MICU1: variants seen among roughly 807,000 people sequenced by gnomAD.
MICU1 encodes mitochondrial calcium uptake 1.
In MICU1, 45 loss-of-function variants were observed where a neutral mutation model predicts 56.8. That is an observed-to-expected ratio of 0.79 (90% confidence interval 0.62 to 1.02). The LOEUF is 1.02. Ranked by LOEUF, MICU1 falls within the 50% of genes least tolerant of loss-of-function variation. The pLI is 0.00. For synonymous variants in MICU1, 186 were observed against 195.1 expected (o/e 0.95, Z 0.39); for missense variants, 504 against 587.1 (o/e 0.86, Z 1.46).
chr10:72,391,328 A>G (rs1160736060), intron 10 of MICU1, among the ~76,000 whole-genome samples: 2 of 152,160 alleles, frequency 1.3e-5, no homozygotes, highest in African/African-American at 2.4e-5. Context: ...GCTACTTGGG[A>G]GGCTGAGGCA....
chr10:72,486,222 A>T (rs1390920851), intron 6 of MICU1, among the ~76,000 whole-genome samples: 1 of 152,214 alleles, frequency 6.6e-6, no homozygotes, highest in Non-Finnish European at 1.5e-5. Context: ...AGTGGAAAGG[A>T]ACTAAAGGCA....
At chr10:72,489,675 T>C (rs968733923) in intron 6 of MICU1, among the ~76,000 whole-genome samples, 1 of 152,244 alleles carries the variant, frequency 6.6e-6, no homozygotes. Flanking sequence ...CCCTCATTTC[T>C]AGTTCTGCTT....
intron 4 of MICU1, among the ~76,000 whole-genome samples, chr10:72,537,114 T>C (rs1051115182): frequency 1.3e-5 from 2 of 152,204 alleles, no homozygotes; most frequent in East Asian, 3.8e-4. Context: ...CTGAGAATTA[T>C]TGTCATTTTA....
chr10:72,523,373 G>A (rs1867879370), intron 5 of MICU1, among the ~76,000 whole-genome samples: 1 of 152,148 alleles, frequency 6.6e-6, no homozygotes, highest in African/African-American at 2.4e-5. Flanking sequence ...ATTGATAATG[G>A]AATCGTCTAT....
At position 72,563,014 on chromosome 10, in the gene MICU1, C is replaced by G. The variant is rs376308710; in HGVS notation, c.211G>C (p.Gly71Arg). Residue 71 changes from glycine (G) to arginine (R), a missense_variant, in exon 3 of 12, where the codon GGT (glycine) becomes CGT (arginine). Physicochemically the swap from Gly to Arg is moderately radical, Grantham distance 125. Coordinates refer to ENST00000361114, the MANE Select transcript of MICU1 (RefSeq NM_001195518.2). ...TCATCTTTATTCTTCCCTTTATCAC[C>G]GATGTCACTTTTTAGGTTGTCTACA... is the stretch of plus-strand genomic sequence containing the variant. ...PCVDNLKSDIGDKGKNKDEGD... is the reference protein window; with the variant it reads ...PCVDNLKSDIRDKGKNKDEGD... 56 of 1,604,014 alleles carry G rather than the reference C, an allele frequency of 3.5e-5. No homozygotes were observed. The highest frequency in any genetic ancestry group is 4.8e-5 in the Non-Finnish European group (56 of 1,175,708).
intron 1 of MICU1, among the ~76,000 whole-genome samples, chr10:72,573,668 A>C (rs566556854): frequency 2.0e-5 from 3 of 152,200 alleles, no homozygotes; most frequent in Non-Finnish European, 4.4e-5. Flanking sequence ...TTTTTTATTT[A>C]TAAATAAAAT....
intron 1 of MICU1, 48 bp from the exon 2 acceptor site, chr10:72,566,842 A>G (rs758995460): frequency 1.4e-6 from 2 of 1,430,432 alleles, no homozygotes; most frequent in Non-Finnish European, 1.9e-6. Context: ...GGTAGTTATG[A>G]TGATGATGAT....
chr10:72,423,233 C>T lies in MICU1; in HGVS notation c.1071+1G>A. 1 of 1,612,688 alleles carries T rather than the reference C, an allele frequency of 6.2e-7. No individual in the cohort carries two copies. The highest frequency in any genetic ancestry group is 8.5e-7 in the Non-Finnish European group (1 of 1,179,316). On this transcript the variant is annotated splice_donor_variant, in intron 9 of 11. Transcript: ENST00000361114. LOFTEE classifies it high-confidence loss of function. ...TTCTTCCTCCAGCCAAAGCTACCTA[C>T]CTTTCCTTCTTTGAAGTGCTTCTTG...
At chr10:72,609,314 T>A (rs931450912) in intron 1 of MICU1, among the ~76,000 whole-genome samples, 27 of 152,210 alleles carry the variant, frequency 1.8e-4, no homozygotes, top group Non-Finnish European at 4.4e-5. Context: ...CATGACATGT[T>A]GAATGTACTT....
At chr10:72,379,551 C>T in intron 10 of MICU1, 1 of 431,284 alleles carries the variant, frequency 2.3e-6, no homozygotes, top group African/African-American at 2.0e-5. Context: ...ATTTCAAGTA[C>T]TCATCTTCTC....
chr10:72,385,083 G>GCA (rs2132054762), intron 10 of MICU1, among the ~76,000 whole-genome samples: 1 of 152,176 alleles, frequency 6.6e-6, no homozygotes, highest in Non-Finnish European at 1.5e-5. Flanking sequence ...TAATTCTCTA[G>GCA]GTCCTTCTAG....
intron 1 of MICU1, among the ~76,000 whole-genome samples, chr10:72,613,110 A>G (rs1841893945): frequency 6.6e-6 from 1 of 152,116 alleles, no homozygotes; most frequent in African/African-American, 2.4e-5. Context: ...AAAGACTACT[A>G]TTATCAACAC....
chr10:72,547,233 C>T (rs545968716), intron 4 of MICU1, among the ~76,000 whole-genome samples: 1 of 152,032 alleles, frequency 6.6e-6, no homozygotes, highest in East Asian at 1.9e-4. Flanking sequence ...GAGACAGGGT[C>T]TCGCTATGTT....
chr10:72,491,920 G>C (rs143220304), intron 6 of MICU1, among the ~76,000 whole-genome samples: 5 of 152,052 alleles, frequency 3.3e-5, no homozygotes, highest in African/African-American at 1.2e-4. Flanking sequence ...ACTTTATGAG[G>C]TGTTAAAAAT....
In MICU1 at chr10:72,431,851, T is replaced by C. The variant is rs537159899; in HGVS notation, c.934-8480A>G. 5.3e-5 allele frequency among the ~76,000 whole-genome samples: 8 copies of C among 152,312 alleles called. No homozygotes were observed. The East Asian group carries it at 1.3e-3, about 26-fold the overall frequency. On this transcript the variant is annotated intron_variant, in intron 8 of 11. Coordinates refer to ENST00000361114, the MANE Select transcript of MICU1 (RefSeq NM_001195518.2). Reference sequence around the variant, plus strand: ...AGTATATATGAGAATATGCATTTCTTAGTATCCTTAACAAAATCAAACATA... The same window carrying C: ...AGTATATATGAGAATATGCATTTCTCAGTATCCTTAACAAAATCAAACATA...
chr10:72,392,933 C>T (rs879322431), intron 10 of MICU1, among the ~76,000 whole-genome samples: 2 of 152,234 alleles, frequency 1.3e-5, no homozygotes, highest in Non-Finnish European at 2.9e-5. Context: ...TAGCTGAGTG[C>T]ATGCTAGTCT....
intron 8 of MICU1, among the ~76,000 whole-genome samples, chr10:72,455,864 A>G (rs1234751743): frequency 2.0e-5 from 3 of 152,136 alleles, no homozygotes; most frequent in African/African-American, 7.2e-5. Context: ...CAAAAGCTGC[A>G]TAGGACACAT....
intron 6 of MICU1, among the ~76,000 whole-genome samples, chr10:72,481,341 T>C (rs1866287349): frequency 6.6e-6 from 1 of 152,256 alleles, no homozygotes; most frequent in Non-Finnish European, 1.5e-5. Context: ...TGGCATCCTG[T>C]GTTTATTCTA....
chr10:72,596,472 A>T (rs1412380572), intron 1 of MICU1, among the ~76,000 whole-genome samples: 1 of 152,134 alleles, frequency 6.6e-6, no homozygotes, highest in Non-Finnish European at 1.5e-5. Flanking sequence ...ATCTGCTGTA[A>T]GATGTGGCTA....
Sources: allele counts gnomAD v4.1 joint callset (sites outside exome capture counted in the v4.1 genomes callset), GRCh38; gene constraint gnomAD v4.1.1; transcripts MANE v1.5; gene names NCBI Gene and HGNC (gene_info 2026-07-23, HGNC 2026-07-21).